The following DPH6 variants were observed in gnomAD, a reference collection of about 807,000 sequenced individuals.
DPH6 encodes diphthamine biosynthesis 6.
A neutral mutation model predicts 38.2 loss-of-function variants in DPH6; 33 were observed. That is an observed-to-expected ratio of 0.86 (90% CI 0.65 to 1.15). The LOEUF (loss-of-function observed/expected upper bound fraction) is 1.15. DPH6 is among the 50% of genes most tolerant of loss of function. The probability of loss-of-function intolerance (pLI) is 0.00; values close to 1 mark genes in which losing one functional copy is unlikely to be tolerated. For synonymous variants in DPH6, 108 were observed against 103.0 expected (o/e 1.05, Z -0.30); for missense variants, 325 against 320.0 (o/e 1.02, Z -0.12).
chr15:35,172,717 G>A, the DPH6 span, among the ~76,000 whole-genome samples: 6 of 152,122 alleles, frequency 3.9e-5, no homozygotes, highest in African/African-American at 1.2e-4. Context: ...GTCTCATTAT[G>A]TTGCCCAGGC....
chr15:35,343,272 A>G (rs1018676797), intron 3 of DPH6, among the ~76,000 whole-genome samples: 11 of 152,158 alleles, frequency 7.2e-5, no homozygotes, highest in Admixed American at 1.3e-4. Context: ...AATGAATTGA[A>G]TATTGTTTTC....
chr15:35,194,732 G>A, the DPH6 span, among the ~76,000 whole-genome samples: 5 of 151,826 alleles, frequency 3.3e-5, no homozygotes, highest in African/African-American at 1.2e-4. Context: ...TTGTACTATG[G>A]GTTTCACTTA....
intron 5 of DPH6, among the ~76,000 whole-genome samples, chr15:35,435,363 G>T (rs771852104): frequency 3.3e-5 from 5 of 152,126 alleles, no homozygotes; most frequent in African/African-American, 1.2e-4. Flanking sequence ...ACAACTGTTC[G>T]AATGGCTTCA....
At chr15:35,538,730 A>G (rs1165998632) in intron 2 of DPH6, among the ~76,000 whole-genome samples, 1 of 152,162 alleles carries the variant, frequency 6.6e-6, no homozygotes, top group Non-Finnish European at 1.5e-5. Flanking sequence ...GTTGTACCAT[A>G]TATGGTAAAC....
intron 3 of DPH6, among the ~76,000 whole-genome samples, chr15:35,284,876 A>C (rs1461701533): frequency 7.4e-6 from 1 of 134,320 alleles, no homozygotes; most frequent in Non-Finnish European, 1.5e-5. Flanking sequence ...GCAGTGGTGC[A>C]ATCACAGCTC....
chr15:35,227,613 C>A (rs1449214605), intron 3 of DPH6, among the ~76,000 whole-genome samples: 1 of 151,716 alleles, frequency 6.6e-6, no homozygotes, highest in Non-Finnish European at 1.5e-5. Flanking sequence ...GTATTATTTT[C>A]TTCATTTCAA....
intron 3 of DPH6, among the ~76,000 whole-genome samples, chr15:35,364,978 T>C (rs756092141): frequency 7.2e-5 from 11 of 152,216 alleles, no homozygotes; most frequent in Non-Finnish European, 1.2e-4. Flanking sequence ...TCTCTTCATG[T>C]TTCATTCTGA....
At chr15:35,359,058 T>C (rs1296063601) in intron 3 of DPH6, among the ~76,000 whole-genome samples, 1 of 152,014 alleles carries the variant, frequency 6.6e-6, no homozygotes, top group Non-Finnish European at 1.5e-5. Context: ...TGTCTTGCTG[T>C]GGCTGCTGTT....
At chr15:35,220,920 A>C (rs149982904) in intron 3 of DPH6, among the ~76,000 whole-genome samples, 3,307 of 152,262 alleles carry the variant, frequency 0.022, 57 homozygotes, top group Non-Finnish European at 0.028. Flanking sequence ...TCAACTCAAA[A>C]GTCTAAGTCC....
intron 4 of DPH6, among the ~76,000 whole-genome samples, chr15:35,451,713 T>A (rs2053935179): frequency 6.6e-6 from 1 of 152,120 alleles, no homozygotes; most frequent in East Asian, 1.9e-4. Context: ...ATGTGATCCT[T>A]TTAAGACATA....
Position 35,240,344 on chromosome 15 carries a change from G to A in DPH6, n.201-19762C>T, listed in dbSNP as rs1463009204. 5.6e-5 allele frequency among the ~76,000 whole-genome samples: 8 copies of A among 142,462 alleles called. 1 individual carries two copies. Among genetic ancestry groups the A allele is most frequent in the South Asian group, 2.5e-4 (1 of 4,080 alleles). The allele number at this position is 142,462 out of a possible 152,430, so 93.5% of individuals were successfully genotyped here. Reference sequence around the variant, plus strand: ...CTAGTCTCTGTGCCCAGTGCAACTCGTCCCAAATCTTCCTTCTTTCCCTCC... The same window carrying A: ...CTAGTCTCTGTGCCCAGTGCAACTCATCCCAAATCTTCCTTCTTTCCCTCC... On this transcript the variant is annotated intron_variant and non_coding_transcript_variant, in intron 3 of 3. Transcript: ENST00000560386.
At chr15:35,521,589 T>C (rs892848572) in intron 3 of DPH6, 25 of 1,227,948 alleles carry the variant, frequency 2.0e-5, no homozygotes, top group South Asian at 4.2e-5. Context: ...ATTTGCAATA[T>C]TGCTTTTCAT....
At chr15:35,492,229 G>C (rs754650800) in intron 3 of DPH6, among the ~76,000 whole-genome samples, 2 of 151,992 alleles carry the variant, frequency 1.3e-5, no homozygotes, top group African/African-American at 4.8e-5. Context: ...AACACATTGC[G>C]GGGAGGGCAA....
chr15:35,459,711 G>C (rs746824700), intron 3 of DPH6, among the ~76,000 whole-genome samples: 3 of 152,032 alleles, frequency 2.0e-5, no homozygotes, highest in Non-Finnish European at 4.4e-5. Flanking sequence ...GAGAGGTAAG[G>C]GAAGGAAAAC....
chr15:35,397,216 G>A (rs754194694), intron 6 of DPH6, among the ~76,000 whole-genome samples: 6 of 152,206 alleles, frequency 3.9e-5, no homozygotes, highest in Non-Finnish European at 8.8e-5. Context: ...TGCTTCTTAA[G>A]TAGTCAATAC....
chr15:35,320,336 C>T (rs1190611766), intron 3 of DPH6, among the ~76,000 whole-genome samples: 7 of 151,954 alleles, frequency 4.6e-5, no homozygotes, highest in African/African-American at 1.2e-4. Flanking sequence ...TAGATGATTA[C>T]ATGGGCTCTG....
At chr15:35,462,821 G>C (rs1265495670) in intron 3 of DPH6, among the ~76,000 whole-genome samples, 2 of 152,112 alleles carry the variant, frequency 1.3e-5, no homozygotes, top group Non-Finnish European at 2.9e-5. Context: ...CTCTAGAAAA[G>C]TACCTGGTAC....
chr15:35,255,057 G>C (rs1488502881), intron 3 of DPH6, among the ~76,000 whole-genome samples: 1 of 152,122 alleles, frequency 6.6e-6, no homozygotes, highest in African/African-American at 2.4e-5. Flanking sequence ...GGATGTATAC[G>C]TGCAAGCCAC....
chr15:35,545,975 C>T, intron 1 of DPH6, 144 bp downstream of exon 1: 1 of 753,840 alleles, frequency 1.3e-6, no homozygotes, highest in South Asian at 6.1e-5. Context: ...AGCGAAGGCT[C>T]CGCCTCTTCC....
Sources: allele counts gnomAD v4.1 joint callset (sites outside exome capture counted in the v4.1 genomes callset), GRCh38; gene constraint gnomAD v4.1.1; transcripts MANE v1.5; gene names NCBI Gene and HGNC (gene_info 2026-07-23, HGNC 2026-07-21).